KRABD3: variants seen among roughly 807,000 people sequenced by gnomAD.
KRABD3 encodes the protein KRAB domain containing 3.
At chr7:149,733,629 G>T in the KRABD3 span, 39 of 1,591,960 alleles carry the variant, frequency 2.4e-5, no homozygotes, top group Non-Finnish European at 3.2e-5. Flanking sequence ...CGTGGCCAGG[G>T]AGAGAGCTGC....
chr7:149,723,732 A>C, the KRABD3 span: 2 of 1,583,910 alleles, frequency 1.3e-6, no homozygotes, highest in Admixed American at 1.8e-5. Flanking sequence ...CTTTTTCCTT[A>C]GTGAAGACCG....
At chr7:149,718,998 C>G in the KRABD3 span, among the ~76,000 whole-genome samples, 2 of 152,312 alleles carry the variant, frequency 1.3e-5, no homozygotes, top group African/African-American at 2.4e-5. Context: ...ACCCAGCACA[C>G]AAACTAGGTG....
the KRABD3 span, among the ~76,000 whole-genome samples, chr7:149,728,102 A>G: frequency 3.7e-4 from 56 of 152,352 alleles, no homozygotes; most frequent in Middle Eastern, 3.4e-3. Flanking sequence ...AATTGCATGC[A>G]TGTTGGCCCG....
the KRABD3 span, chr7:149,734,084 G>A: frequency 1.9e-6 from 3 of 1,561,350 alleles, no homozygotes; most frequent in Middle Eastern, 2.3e-4. Context: ...CGTTCTTGCC[G>A]AGGGTGCAGT....
At chr7:149,730,283 C>T in the KRABD3 span, 18 of 1,551,338 alleles carry the variant, frequency 1.2e-5, no homozygotes, top group Non-Finnish European at 1.4e-5. Context: ...CGAGCTTCAG[C>T]GGCTCTGAAG....
At chr7:149,722,720 G>A in the KRABD3 span, 9 of 1,535,206 alleles carry the variant, frequency 5.9e-6, no homozygotes, top group Non-Finnish European at 7.9e-6. Context: ...CTGAATGCCT[G>A]CCAGCGCTCC....
At chr7:149,721,988 A>G in the KRABD3 span, 5 of 369,474 alleles carry the variant, frequency 1.4e-5, no homozygotes, top group Non-Finnish European at 2.6e-5. Context: ...GTCTGTTTTT[A>G]TAAAAAAGTA....
the KRABD3 span, chr7:149,728,740 A>G: frequency 2.4e-5 from 37 of 1,537,326 alleles, no homozygotes; most frequent in Non-Finnish European, 3.0e-5. Flanking sequence ...TAGGCGCTGC[A>G]CCTGTGGGCT....
chr7:149,730,891 T>A, the KRABD3 span, among the ~76,000 whole-genome samples: 1 of 152,216 alleles, frequency 6.6e-6, no homozygotes, highest in Admixed American at 6.5e-5. Flanking sequence ...TTTTAAAACT[T>A]GGCAATCAAT....
the KRABD3 span, among the ~76,000 whole-genome samples, chr7:149,728,887 C>T: frequency 6.6e-6 from 1 of 152,246 alleles, no homozygotes; most frequent in African/African-American, 2.4e-5. Context: ...TGCGGTTCCA[C>T]CATCCCAGCT....
At chr7:149,726,091 A>G in the KRABD3 span, 1 of 1,584,960 alleles carries the variant, frequency 6.3e-7, no homozygotes, top group South Asian at 1.2e-5. Flanking sequence ...GCTGGGGTTC[A>G]TCCTGGGAGA....
the KRABD3 span, chr7:149,722,252 T>TTAA: frequency 1.1e-5 from 4 of 369,456 alleles, no homozygotes; most frequent in South Asian, 2.2e-4. Flanking sequence ...GAACCAACAG[T>TTAA]CTTGCTGTTT....
chr7:149,727,809 T>C, the KRABD3 span, among the ~76,000 whole-genome samples: 2 of 152,020 alleles, frequency 1.3e-5, no homozygotes, highest in African/African-American at 4.8e-5. Flanking sequence ...GTGGAGAAAA[T>C]GCATGTGGGG....
the KRABD3 span, chr7:149,734,268 T>C: frequency 1.7e-6 from 1 of 588,652 alleles, no homozygotes; most frequent in Non-Finnish European, 2.9e-6. Context: ...CCCTCTTGGC[T>C]CAGATTCAAT....
chr7:149,724,015 C>T, the KRABD3 span: 4 of 1,018,654 alleles, frequency 3.9e-6, no homozygotes, highest in African/African-American at 1.6e-5. Flanking sequence ...GGAAGAGGAT[C>T]CGGATGCGGG....
the KRABD3 span, chr7:149,730,562 G>A: frequency 8.1e-6 from 13 of 1,611,514 alleles, no homozygotes; most frequent in Admixed American, 3.3e-5. Context: ...CAGCGGCCTC[G>A]GTGCAGGTGA....
At chr7:149,719,340 G>A in the KRABD3 span, 1 of 487,582 alleles carries the variant, frequency 2.1e-6, no homozygotes, top group Non-Finnish European at 3.6e-6. The surrounding 1 kb of genome is among the most constrained non-coding windows in gnomAD (Gnocchi z 5.6). Flanking sequence ...CTACTTACAG[G>A]CGTGAGGGTT....
the KRABD3 span, chr7:149,733,069 T>C: frequency 3.9e-6 from 4 of 1,032,574 alleles, no homozygotes; most frequent in South Asian, 3.2e-5. Context: ...TTCTCAGGCC[T>C]CACCCACCTT....
the KRABD3 span, chr7:149,715,250 C>G: frequency 2.5e-6 from 3 of 1,218,142 alleles, no homozygotes; most frequent in African/African-American, 1.6e-5. Flanking sequence ...TCTCCGCCGC[C>G]GGTACCCACG....
Sources: allele counts gnomAD v4.1 joint callset (sites outside exome capture counted in the v4.1 genomes callset), GRCh38; gene constraint gnomAD v4.1.1; non-coding constraint Gnocchi (gnomAD v3.1); transcripts MANE v1.5; gene names NCBI Gene and HGNC (gene_info 2026-07-23, HGNC 2026-07-21).